The following SFXN5 variants were observed in gnomAD, a reference collection of about 807,000 sequenced individuals.
The protein encoded by SFXN5 is sideroflexin-5.
In SFXN5, 43 loss-of-function variants were observed where a neutral mutation model predicts 50.2. That is an observed-to-expected ratio of 0.86 (90% CI 0.67 to 1.11). SFXN5 has a LOEUF of 1.11. Ranked by LOEUF, SFXN5 falls within the 50% of genes least tolerant of loss-of-function variation. SFXN5 has a pLI of 0.00. For missense variants in SFXN5, 463 were observed against 454.1 expected (o/e 1.02, Z -0.18); for synonymous variants, 203 against 185.8 (o/e 1.09, Z -0.75).
intron 13 of SFXN5, among the ~76,000 whole-genome samples, chr2:72,959,704 G>T (rs1304983573): frequency 2.6e-5 from 4 of 151,920 alleles, no homozygotes; most frequent in Non-Finnish European, 5.9e-5. Context: ...CTGTGCTCTG[G>T]TCCCCCCTCC....
chr2:73,029,838 G>A (rs942006651), intron 3 of SFXN5, among the ~76,000 whole-genome samples: 6 of 152,206 alleles, frequency 3.9e-5, no homozygotes, highest in Admixed American at 6.5e-5. Flanking sequence ...CTGGGAGGCT[G>A]AGGCAGGCAA....
chr2:73,041,122 A>G (rs771251836), intron 2 of SFXN5, among the ~76,000 whole-genome samples, 191 bp from the exon 3 acceptor site: 3 of 152,254 alleles, frequency 2.0e-5, no homozygotes, highest in Non-Finnish European at 2.9e-5. Context: ...TAAAAAATGA[A>G]GTAGAGCTAC....
chr2:73,060,701 T>A (rs1053339964), intron 1 of SFXN5, among the ~76,000 whole-genome samples: 5 of 133,034 alleles, frequency 3.8e-5, no homozygotes, highest in Non-Finnish European at 7.7e-5. Context: ...AATGTCCTTG[T>A]TCTTTTTTTT....
rs554515609 is a variant in SFXN5 at position 73,047,342 on chromosome 2, T to C, written c.172-6411A>G. On this transcript the variant is annotated intron_variant, in intron 2 of 13. Coordinates refer to ENST00000272433, the MANE Select transcript of SFXN5 (RefSeq NM_144579.3). ...ATGTATATATATGTGTATATATATG[T>C]ACATATATATGTGTATATATGTATA... is the stretch of plus-strand genomic sequence containing the variant. Among the ~76,000 whole-genome samples the C allele has an allele frequency of 2.2e-3, 304 of 140,156 alleles. 1 individual carries two copies. Among genetic ancestry groups the C allele is most frequent in the African/African-American group, 7.5e-3 (287 of 38,418 alleles). 91.9% of individuals were successfully genotyped at this position (140,156 alleles called of 152,430 possible).
At chr2:73,021,001 A>G (rs6546797) in intron 5 of SFXN5, among the ~76,000 whole-genome samples, 52,483 of 152,114 alleles carry the variant, frequency 0.35, 11,223 homozygotes, top group African/African-American at 0.6. Context: ...CATCTAAAGT[A>G]AAGCTTTGCT....
chr2:72,965,603 C>T (rs1438238436), intron 12 of SFXN5, among the ~76,000 whole-genome samples: 1 of 152,162 alleles, frequency 6.6e-6, no homozygotes, highest in African/African-American at 2.4e-5. Context: ...CGGAGCCCCA[C>T]AGCCTGCCCA....
intron 12 of SFXN5, among the ~76,000 whole-genome samples, chr2:72,964,851 C>T (rs1478023938): frequency 2.6e-5 from 4 of 152,208 alleles, no homozygotes; most frequent in African/African-American, 7.2e-5. Context: ...GAGTATGTGG[C>T]ACCCAGACAC....
At chr2:72,955,907 C>G (rs1673038308) in intron 13 of SFXN5, among the ~76,000 whole-genome samples, 1 of 152,262 alleles carries the variant, frequency 6.6e-6, no homozygotes, top group African/African-American at 2.4e-5. Flanking sequence ...CCAGCCCCAC[C>G]TATAGCGGCC....
chr2:73,070,138 A>C (rs1683467906), intron 1 of SFXN5, among the ~76,000 whole-genome samples: 1 of 152,156 alleles, frequency 6.6e-6, no homozygotes, highest in Admixed American at 6.5e-5. Context: ...GCCTTTAAGA[A>C]CGAGCAGAAT....
intron 2 of SFXN5, among the ~76,000 whole-genome samples, chr2:73,045,614 T>C (rs1034602306): frequency 4.6e-5 from 7 of 152,018 alleles, no homozygotes; most frequent in Admixed American, 1.3e-4. Flanking sequence ...CATGTCTTGA[T>C]GGTTCAGTAG....
At position 73,058,519 on chromosome 2, in the gene SFXN5, A is replaced by G. The variant is rs768312501; in HGVS notation, c.171+9T>C. 1.2e-6 allele frequency: 2 copies of G among 1,613,728 alleles called. No individual in the cohort carries two copies. Among genetic ancestry groups the G allele is most frequent in the Middle Eastern group, 1.7e-4 (1 of 6,060 alleles). Reference sequence around the variant, plus strand: ...CCCAAGGGCCACTGAGGTGACAGCCATGACTTACCTCAGTGACAAAGAGTG... The same window carrying G: ...CCCAAGGGCCACTGAGGTGACAGCCGTGACTTACCTCAGTGACAAAGAGTG... On this transcript the variant is annotated intron_variant, in intron 2 of 13. Coordinates refer to ENST00000272433, the MANE Select transcript of SFXN5 (RefSeq NM_144579.3).
rs748334924 is a variant in SFXN5, at chr2:72,998,970, G to A, written c.513C>T (p.Val171=). 2.5e-6 allele frequency: 4 copies of A among 1,614,156 alleles called. No homozygotes were observed. In the Admixed American group the frequency reaches 6.7e-5, roughly 27 times the overall value. Residue 171 remains valine, a synonymous_variant, in exon 9 of 14, where the codon GTC becomes GTT. Coordinates refer to ENST00000272433, the MANE Select transcript of SFXN5 (RefSeq NM_144579.3). The part of the protein sequence containing the change: ...SKFIQGYLGA[V]ISAVSIAVGL... ...TCACAGCAATGGAGACGGCGCTGATGACAGCTCCCAGGTATCCCTGGATGA... is the reference window on the plus strand; with the variant it reads ...TCACAGCAATGGAGACGGCGCTGATAACAGCTCCCAGGTATCCCTGGATGA...
intron 13 of SFXN5, among the ~76,000 whole-genome samples, chr2:72,951,596 T>C (rs1412065305): frequency 6.6e-6 from 1 of 151,990 alleles, no homozygotes; most frequent in Non-Finnish European, 1.5e-5. Flanking sequence ...TGCGGAGACA[T>C]AAACAGGAAA....
chr2:72,982,208 G>T (rs1431990434), intron 10 of SFXN5, among the ~76,000 whole-genome samples: 7 of 152,112 alleles, frequency 4.6e-5, no homozygotes, highest in Non-Finnish European at 1.0e-4. Context: ...TTTATAGACG[G>T]GGCCATAATG....
At position 72,961,693 on chromosome 2, in the gene SFXN5, A is replaced by AG. The variant is rs1170343935; in HGVS notation, c.828-446dup. Among the ~76,000 whole-genome samples, 3 of 152,192 alleles carry AG rather than the reference A, an allele frequency of 2.0e-5. No individual in the cohort carries two copies. Among genetic ancestry groups the AG allele is most frequent in the Non-Finnish European group, 2.9e-5 (2 of 68,026 alleles). On this transcript the variant is annotated intron_variant, in intron 12 of 13. Transcript: ENST00000272433. The surrounding 1 kb of genome is among the most constrained non-coding windows in gnomAD (Gnocchi z 4.4). ...AGAAACCAGAGTAGGTGCCAAGTTC[A>AG]GGGGAGATGACAAAGCACATACATA...
At chr2:73,000,080 A>G (rs1244019029) in intron 8 of SFXN5, among the ~76,000 whole-genome samples, 2 of 152,198 alleles carry the variant, frequency 1.3e-5, no homozygotes, top group Non-Finnish European at 2.9e-5. Flanking sequence ...TTTGCCCCCA[A>G]GTAGCTGATA....
At chr2:73,060,166 G>A (rs1185446516) in intron 1 of SFXN5, among the ~76,000 whole-genome samples, 5 of 152,086 alleles carry the variant, frequency 3.3e-5, no homozygotes, top group African/African-American at 1.2e-4. Flanking sequence ...CTTAGGAAAG[G>A]AGCGGATTCA....
At chr2:73,000,559 A>G in intron 7 of SFXN5, 72 bp from the exon 8 acceptor site, 2 of 1,420,720 alleles carry the variant, frequency 1.4e-6, no homozygotes, top group Non-Finnish European at 1.9e-6. Flanking sequence ...GGACCCCAGG[A>G]GGCCACACAT....
At chr2:72,970,096 C>T (rs1292272215) in intron 11 of SFXN5, among the ~76,000 whole-genome samples, 2 of 152,258 alleles carry the variant, frequency 1.3e-5, no homozygotes, top group East Asian at 3.9e-4. Context: ...CTTGGGTTTC[C>T]TTGCTGTGTG....
Sources: gnomAD v4.1 joint callset for allele counts (sites outside exome capture counted in the v4.1 genomes callset) on GRCh38, gnomAD v4.1.1 for gene constraint, Gnocchi (gnomAD v3.1) non-coding constraint, MANE v1.5 for transcripts, NCBI Gene and HGNC (gene_info 2026-07-23, HGNC 2026-07-21) for gene names.